EXOC6B: variants seen among roughly 807,000 people sequenced by gnomAD.
EXOC6B encodes the protein SEC15 homolog B.
In EXOC6B, 54 loss-of-function variants were observed where a neutral mutation model predicts 113.5. The ratio of observed to expected loss-of-function variants is 0.48; its 90% CI spans 0.38 to 0.60. The LOEUF (loss-of-function observed/expected upper bound fraction) is 0.60. EXOC6B is among the 20% of genes least tolerant of loss of function. EXOC6B has a pLI of 0.00. For synonymous variants in EXOC6B, 357 were observed against 339.0 expected, an observed-to-expected ratio of 1.05 and a Z score of -0.58; for missense variants, 797 against 977.5, an observed-to-expected ratio of 0.82 and a Z score of 2.46.
chr2:72,580,292 C>T (rs1705142951), intron 6 of EXOC6B, among the ~76,000 whole-genome samples: 1 of 151,644 alleles, frequency 6.6e-6, no homozygotes, highest in Admixed American at 6.6e-5. Context: ...CAGGCACGTG[C>T]CACCATGCTC....
At chr2:72,768,010 G>A (rs1428477608) in intron 1 of EXOC6B, among the ~76,000 whole-genome samples, 1 of 148,618 alleles carries the variant, frequency 6.7e-6, no homozygotes, top group African/African-American at 2.5e-5. Flanking sequence ...CCAGCTACTC[G>A]GAAGGCTGAG....
rs1022423093 is a variant in EXOC6B at position 72,475,074 on chromosome 2, G to A, written c.1800+5542C>T. Among the ~76,000 whole-genome samples the A allele has an allele frequency of 5.3e-5, 8 of 152,114 alleles. No homozygotes were observed. In the East Asian group the frequency reaches 9.6e-4, roughly 18 times the overall value. ...GCTCAGGGTGCAATTATTAAATGAG[G>A]CTGTGGTTTTGCTGGGGACTGTAAC... On this transcript the variant is annotated intron_variant, in intron 17 of 21. Transcript: ENST00000272427.
chr2:72,381,654 C>T (rs72841799), intron 18 of EXOC6B, among the ~76,000 whole-genome samples: 1 of 152,230 alleles, frequency 6.6e-6, no homozygotes, highest in Non-Finnish European at 1.5e-5. Flanking sequence ...GGTATCAAGA[C>T]TGTGATCCAT....
At chr2:72,791,203 C>T (rs778280471) in intron 1 of EXOC6B, among the ~76,000 whole-genome samples, 3 of 152,128 alleles carry the variant, frequency 2.0e-5, no homozygotes, top group Non-Finnish European at 2.9e-5. Flanking sequence ...GATCATTACA[C>T]GGTGTATACA....
intron 20 of EXOC6B, among the ~76,000 whole-genome samples, chr2:72,258,361 CTTTTTT>C (rs967346322): frequency 8.0e-6 from 1 of 124,830 alleles, no homozygotes; most frequent in South Asian, 2.6e-4. Context: ...TTATCTTTTT[CTTTTTT>C]TTTTTTTTTT....
intron 19 of EXOC6B, among the ~76,000 whole-genome samples, chr2:72,354,023 C>T (rs1221235174): frequency 1.3e-4 from 20 of 152,068 alleles, no homozygotes; most frequent in Admixed American, 1.3e-3. Context: ...TAAATCTGTC[C>T]CTCTCCTTTT....
rs962374879 is a variant in EXOC6B, at chr2:72,254,239, C to A, written c.2197-70052G>T. 5.3e-5 allele frequency among the ~76,000 whole-genome samples: 8 copies of A among 152,264 alleles called. No individual in the cohort carries two copies. The South Asian group carries it at 8.3e-4, about 16-fold the overall frequency. ...TATTTGGAATAAGGGTCTTTGAAATCATCCTGGATTAACTGGGTAGACCCC... is the reference window on the plus strand; with the variant it reads ...TATTTGGAATAAGGGTCTTTGAAATAATCCTGGATTAACTGGGTAGACCCC... On this transcript the variant is annotated intron_variant, in intron 20 of 21. Coordinates refer to ENST00000272427, the MANE Select transcript of EXOC6B (RefSeq NM_015189.3).
At chr2:72,201,239 G>A (rs1204180339) in intron 20 of EXOC6B, among the ~76,000 whole-genome samples, 1 of 151,982 alleles carries the variant, frequency 6.6e-6, no homozygotes. Context: ...GCCAAATAGT[G>A]TTTTCCACCG....
chr2:72,637,735 A>T (rs1672951599), intron 6 of EXOC6B, among the ~76,000 whole-genome samples: 1 of 151,974 alleles, frequency 6.6e-6, no homozygotes, highest in Admixed American at 6.6e-5. Flanking sequence ...GGTTGCAGTC[A>T]GCCAAGATCA....
At chr2:72,673,072 AAAAAG>A (rs1223820059) in intron 6 of EXOC6B, among the ~76,000 whole-genome samples, 2 of 152,196 alleles carry the variant, frequency 1.3e-5, no homozygotes, top group African/African-American at 4.8e-5. Flanking sequence ...TGTATCAATA[AAAAAG>A]AAAATATTCA....
chr2:72,529,902 T>G (rs1022682489), intron 8 of EXOC6B, among the ~76,000 whole-genome samples: 1 of 152,204 alleles, frequency 6.6e-6, no homozygotes, highest in Non-Finnish European at 1.5e-5. Context: ...ACTGTCAAAT[T>G]TATGTATGTA....
intron 18 of EXOC6B, among the ~76,000 whole-genome samples, chr2:72,435,043 C>T (rs974859562): frequency 7.2e-5 from 11 of 152,110 alleles, no homozygotes; most frequent in South Asian, 2.1e-4. Context: ...TTGGGCATTT[C>T]GTGCTATAAA....
At chr2:72,674,694 G>A (rs1358815271) in intron 6 of EXOC6B, among the ~76,000 whole-genome samples, 1 of 152,058 alleles carries the variant, frequency 6.6e-6, no homozygotes, top group African/African-American at 2.4e-5. Context: ...AGCCGGGCGT[G>A]GTGGCAGGCT....
At position 72,214,197 on chromosome 2, in the gene EXOC6B, C is replaced by A. The variant is rs1026315184; in HGVS notation, c.2197-30010G>T. 2.3e-5 allele frequency among the ~76,000 whole-genome samples: 3 copies of A among 127,672 alleles called. No individual in the cohort carries two copies. The East Asian group carries it at 6.0e-4, about 26-fold the overall frequency. The allele number at this position is 127,672 out of a possible 152,430, so 83.8% of individuals were successfully genotyped here. A position where few individuals can be genotyped will look rare whatever the true frequency, so the allele number is the denominator to read the frequency against. On this transcript the variant is annotated intron_variant, in intron 20 of 21. Transcript: ENST00000272427. ...TGCTAAGTATCCTCCCTTAAGATTACTTCTTATCGGCCGTGCACGGTGGCT... is the reference window on the plus strand; with the variant it reads ...TGCTAAGTATCCTCCCTTAAGATTAATTCTTATCGGCCGTGCACGGTGGCT...
Position 72,465,181 on chromosome 2 carries a change from A to G in EXOC6B, c.1959T>C (p.Phe653=). 6.2e-7 allele frequency: 1 copy of G among 1,611,908 alleles called. No individual in the cohort carries two copies. ...VDLIAFLRST[F]AVFTHLPGKV... is the part of the protein sequence containing the mutation. The stretch of plus-strand genomic sequence containing the variant: ...TTACAGGAAGGTGTGTGAATACAGC[A>G]AAGGTGCTACGAAGAAAGGCAATGA... The change falls in exon 18 of 22, where the codon TTT becomes TTC. Residue 653 remains phenylalanine (F), a synonymous_variant. Transcript: ENST00000272427.
intron 15 of EXOC6B, among the ~76,000 whole-genome samples, chr2:72,493,324 C>G (rs1230753091): frequency 2.2e-5 from 3 of 138,392 alleles, no homozygotes; most frequent in African/African-American, 3.1e-5. Context: ...TTTTCTCCCC[C>G]CCCCCCCCCC....
intron 20 of EXOC6B, among the ~76,000 whole-genome samples, chr2:72,223,185 T>G (rs1194736984): frequency 2.0e-5 from 3 of 152,140 alleles, no homozygotes; most frequent in African/African-American, 4.8e-5. Context: ...TTAACTGATT[T>G]CAATAGCTAA....
intron 17 of EXOC6B, among the ~76,000 whole-genome samples, chr2:72,469,131 T>C (rs1010599110): frequency 4.6e-5 from 7 of 152,092 alleles, no homozygotes; most frequent in African/African-American, 1.7e-4. Flanking sequence ...GGTGTAATCA[T>C]TGAGATATCA....
chr2:72,732,320 GTTTT>G (rs1264687103), intron 3 of EXOC6B, among the ~76,000 whole-genome samples: 1 of 151,390 alleles, frequency 6.6e-6, no homozygotes, highest in African/African-American at 2.4e-5. Context: ...GGTTATGGTT[GTTTT>G]TTTTGTTTTG....
Sources: allele counts gnomAD v4.1 joint callset (sites outside exome capture counted in the v4.1 genomes callset), GRCh38; gene constraint gnomAD v4.1.1; transcripts MANE v1.5; gene names NCBI Gene and HGNC (gene_info 2026-07-23, HGNC 2026-07-21).